MAD1L1: variants seen among roughly 807,000 people sequenced by gnomAD.
The protein encoded by MAD1L1 is mitotic arrest deficient 1 like 1, also known as mitotic spindle assembly checkpoint protein MAD1.
Under a neutral mutation model 96.9 loss-of-function variants are expected in MAD1L1, and 95 were observed. The observed-to-expected ratio is 0.98, with a 90% confidence interval of 0.83 to 1.16. The LOEUF (loss-of-function observed/expected upper bound fraction) is 1.16. MAD1L1 is among the 50% of genes most tolerant of loss of function. The pLI is 0.00. For synonymous variants in MAD1L1, 473 were observed against 396.6 expected (o/e 1.19, Z -2.29); for missense variants, 1,007 against 954.4 (o/e 1.06, Z -0.73).
At chr7:2,098,041 C>T (rs887966615) in intron 11 of MAD1L1, among the ~76,000 whole-genome samples, 1 of 152,190 alleles carries the variant, frequency 6.6e-6, no homozygotes, top group African/African-American at 2.4e-5. Context: ...GGGAGGAAGG[C>T]AGCGGAATCA....
chr7:1,868,650 G>C (rs1784895594), intron 18 of MAD1L1, among the ~76,000 whole-genome samples: 1 of 152,230 alleles, frequency 6.6e-6, no homozygotes, highest in African/African-American at 2.4e-5. Flanking sequence ...CTGGAAGTCA[G>C]CACAGCCCAT....
At chr7:1,873,902 A>C (rs1010899076) in intron 18 of MAD1L1, among the ~76,000 whole-genome samples, 1 of 152,164 alleles carries the variant, frequency 6.6e-6, no homozygotes. Context: ...TGAGCCCATC[A>C]AGTCGGCACC....
intron 13 of MAD1L1, among the ~76,000 whole-genome samples, chr7:2,010,536 G>A (rs562472366): frequency 2.4e-4 from 37 of 152,278 alleles, no homozygotes; most frequent in Admixed American, 5.2e-4. Context: ...CACATGCTAC[G>A]GGCTCCCGCA....
chr7:1,916,199 G>A (rs1351157118), intron 17 of MAD1L1, among the ~76,000 whole-genome samples: 1 of 152,172 alleles, frequency 6.6e-6, no homozygotes, highest in African/African-American at 2.4e-5. Context: ...GCAAACGGGT[G>A]AAGCCGCCTC....
intron 16 of MAD1L1, among the ~76,000 whole-genome samples, chr7:1,937,607 C>G (rs1778686415): frequency 6.6e-6 from 1 of 150,774 alleles, no homozygotes; most frequent in Non-Finnish European, 1.5e-5. Context: ...CAGCCGCCCA[C>G]AGCAGGGGAC....
intron 11 of MAD1L1, among the ~76,000 whole-genome samples, chr7:2,126,981 C>A (rs984906630): frequency 1.1e-4 from 17 of 152,204 alleles, no homozygotes; most frequent in African/African-American, 3.9e-4. Flanking sequence ...ATAAAGCCAG[C>A]GGGCCAAGTC....
chr7:1,915,274 G>C (rs181671746), intron 17 of MAD1L1, among the ~76,000 whole-genome samples: 1 of 152,324 alleles, frequency 6.6e-6, no homozygotes, highest in African/African-American at 2.4e-5. Context: ...TAGCACCTTG[G>C]AGCGGAAGTG....
At chr7:2,040,472 G>A (rs553682644) in intron 12 of MAD1L1, among the ~76,000 whole-genome samples, 3 of 152,266 alleles carry the variant, frequency 2.0e-5, no homozygotes, top group Non-Finnish European at 2.9e-5. Context: ...GTTCAGAATG[G>A]GCAGATGGGC....
intron 18 of MAD1L1, among the ~76,000 whole-genome samples, chr7:1,889,379 T>A (rs570142255): frequency 1.3e-5 from 2 of 152,330 alleles, no homozygotes; most frequent in Admixed American, 1.3e-4. Flanking sequence ...GGTGGCATCC[T>A]CACGGGCACT....
At chr7:1,974,574 G>A (rs896850567) in intron 15 of MAD1L1, among the ~76,000 whole-genome samples, 6 of 152,104 alleles carry the variant, frequency 3.9e-5, no homozygotes, top group African/African-American at 1.4e-4. Context: ...ATAAGAACAG[G>A]TTAACAAAGC....
At chr7:1,963,377 C>T (rs764358858) in intron 15 of MAD1L1, among the ~76,000 whole-genome samples, 4 of 152,142 alleles carry the variant, frequency 2.6e-5, no homozygotes, top group African/African-American at 4.8e-5. Flanking sequence ...GACAGCCGCC[C>T]GCCAATCTAC....
rs368541922 is a variant in MAD1L1 at position 2,230,098 on chromosome 7, G to A, written c.36C>T (p.Ser12=). 27 of 1,607,300 alleles carry A rather than the reference G, an allele frequency of 1.7e-5. No homozygotes were observed. Among genetic ancestry groups the A allele is most frequent in the Non-Finnish European group, 2.1e-5 (25 of 1,176,810 alleles). Residue 12 remains serine (S), a synonymous_variant, in exon 3 of 19, where the codon TCC becomes TCT. Transcript: ENST00000265854. ...EDLGENTMVL[S]TLRSLNNFIS... is the part of the protein sequence containing the mutation. ...TGAAGTTGTTCAAAGATCTCAGGGT[G>A]GATAAAACCATGGTGTTTTCCCCCA...
intron 11 of MAD1L1, among the ~76,000 whole-genome samples, chr7:2,096,311 G>A (rs547889158): frequency 4.7e-4 from 71 of 152,314 alleles, no homozygotes; most frequent in South Asian, 3.5e-3. Context: ...CCAGTCCTCC[G>A]GCGCAAAGAG....
At chr7:2,212,314 T>C (rs1202738526) in intron 10 of MAD1L1, among the ~76,000 whole-genome samples, 1 of 152,200 alleles carries the variant, frequency 6.6e-6, no homozygotes, top group Non-Finnish European at 1.5e-5. Flanking sequence ...GCACTCAGCT[T>C]GGCACAGACT....
intron 18 of MAD1L1, among the ~76,000 whole-genome samples, chr7:1,861,162 G>C (rs1242817819): frequency 1.3e-5 from 2 of 152,146 alleles, no homozygotes; most frequent in Non-Finnish European, 2.9e-5. Context: ...AGACGGGCAG[G>C]AGGCTGGTGA....
At chr7:1,980,813 G>A (rs1396678117) in intron 14 of MAD1L1, 1 of 569,356 alleles carries the variant, frequency 1.8e-6, no homozygotes, top group Non-Finnish European at 3.4e-6. Flanking sequence ...GTGCATGTGA[G>A]AGTCTCTGGA....
At chr7:1,847,542 T>A in intron 18 of MAD1L1, 1 of 471,116 alleles carries the variant, frequency 2.1e-6, no homozygotes, top group Non-Finnish European at 4.4e-6. Context: ...ACCAGACCAG[T>A]CCTGGCACTG....
In MAD1L1 at chr7:1,968,913, G is replaced by A. The variant is rs1780288054; in HGVS notation, c.1506-11194C>T. 6.6e-6 allele frequency among the ~76,000 whole-genome samples: 1 copy of A among 152,234 alleles called. No individual in the cohort carries two copies. Among genetic ancestry groups the A allele is most frequent in the Non-Finnish European group, 1.5e-5 (1 of 68,048 alleles). On this transcript the variant is annotated intron_variant, in intron 15 of 18. Coordinates refer to ENST00000265854, the MANE Select transcript of MAD1L1 (RefSeq NM_001013836.2). The surrounding 1 kb of genome is among the most constrained non-coding windows in gnomAD (Gnocchi z 5.6). ...CTGCAACATGCAGGAAAGCCTGGTG[G>A]ATCCAAACAAGGGCTGGAGACAGGC... is the stretch of plus-strand genomic sequence containing the variant.
In MAD1L1 at chr7:2,146,280, T is replaced by G. The variant is rs369507757; in HGVS notation, c.1073+2872A>C. On this transcript the variant is annotated intron_variant, in intron 11 of 18. Coordinates refer to ENST00000265854, the MANE Select transcript of MAD1L1 (RefSeq NM_001013836.2). This position sits in a 1 kb window ranked among gnomAD's most constrained non-coding sequence, Gnocchi z 6.2. Reference sequence around the variant, plus strand: ...GGGCACTGGGCTACGAGGAACAGGGTACCACCTCGATGAGGGAGCACCGGG... The same window carrying G: ...GGGCACTGGGCTACGAGGAACAGGGGACCACCTCGATGAGGGAGCACCGGG... Among the ~76,000 whole-genome samples the G allele has an allele frequency of 8.1e-6, 1 of 123,094 alleles. No individual in the cohort carries two copies. 80.8% of individuals were successfully genotyped at this position (123,094 alleles called of 152,430 possible).
Sources: gnomAD v4.1 joint callset for allele counts (sites outside exome capture counted in the v4.1 genomes callset) on GRCh38, gnomAD v4.1.1 for gene constraint, Gnocchi (gnomAD v3.1) non-coding constraint, MANE v1.5 for transcripts, NCBI Gene and HGNC (gene_info 2026-07-23, HGNC 2026-07-21) for gene names.